The following DOK6 variants were observed in gnomAD, a reference collection of about 807,000 sequenced individuals.
DOK6 encodes docking protein 6.
Under a neutral mutation model 44.0 loss-of-function variants are expected in DOK6, and 22 were observed. That is an observed-to-expected ratio of 0.50 (90% CI 0.36 to 0.71). The LOEUF is 0.71. Among genes scored for constraint, DOK6 ranks in the 30% least tolerant of loss-of-function variants. The probability of loss-of-function intolerance (pLI) is 0.00; values close to 1 mark genes in which losing one functional copy is unlikely to be tolerated. For missense variants in DOK6, 340 were observed against 416.4 expected, an observed-to-expected ratio of 0.82 and a Z score of 1.60; for synonymous variants, 166 against 145.5, an observed-to-expected ratio of 1.14 and a Z score of -1.01.
chr18:69,406,306 A>T (rs192126330), intron 1 of DOK6, among the ~76,000 whole-genome samples: 4 of 152,082 alleles, frequency 2.6e-5, no homozygotes, highest in African/African-American at 7.2e-5. Flanking sequence ...TCTATTGGCA[A>T]TTTTTTTCCT....
At chr18:69,755,391 G>A (rs912649337) in intron 6 of DOK6, among the ~76,000 whole-genome samples, 4 of 152,160 alleles carry the variant, frequency 2.6e-5, no homozygotes, top group Admixed American at 6.5e-5. Flanking sequence ...ATGATCTACT[G>A]TATGCTGAGT....
rs148559799 is a variant in DOK6 at position 69,715,768 on chromosome 18, G to A, written c.599+17175G>A. On this transcript the variant is annotated intron_variant, in intron 5 of 7. Transcript: ENST00000382713. ...CAGGATCTGAATTGGTCTTGTTGGCGTTGAAAGTCCCCCTTGACTTTCTAT... is the reference window on the plus strand; with the variant it reads ...CAGGATCTGAATTGGTCTTGTTGGCATTGAAAGTCCCCCTTGACTTTCTAT... Among the ~76,000 whole-genome samples, 478 of 152,292 alleles carry A rather than the reference G, an allele frequency of 3.1e-3. 5 individuals are homozygous for A. The highest frequency in any genetic ancestry group is 9.7e-3 in the African/African-American group (402 of 41,548).
intron 3 of DOK6, among the ~76,000 whole-genome samples, chr18:69,668,047 A>G (rs1394426210): frequency 6.6e-6 from 1 of 152,180 alleles, no homozygotes; most frequent in Admixed American, 6.5e-5. Context: ...ATCTCACTAC[A>G]TGATAAATCC....
intron 5 of DOK6, among the ~76,000 whole-genome samples, chr18:69,730,106 T>C (rs1305896239): frequency 1.3e-5 from 2 of 152,138 alleles, no homozygotes; most frequent in Non-Finnish European, 2.9e-5. Context: ...CTAAAACAAC[T>C]GGAGTCAAAA....
At chr18:69,829,090 G>A (rs1287787208) in intron 7 of DOK6, among the ~76,000 whole-genome samples, 1 of 150,432 alleles carries the variant, frequency 6.6e-6, no homozygotes, top group African/African-American at 2.4e-5. Flanking sequence ...AAAAGTACCA[G>A]ATCAGTACAC....
At chr18:69,717,626 A>G (rs2144720750) in intron 5 of DOK6, among the ~76,000 whole-genome samples, 1 of 152,330 alleles carries the variant, frequency 6.6e-6, no homozygotes, top group East Asian at 1.9e-4. Context: ...AAACTGGCTA[A>G]GAGCCTTCAT....
chr18:69,700,216 C>CATATATATATTTATATAT (rs1986484571), intron 5 of DOK6, among the ~76,000 whole-genome samples: 1 of 124,762 alleles, frequency 8.0e-6, no homozygotes, highest in Non-Finnish European at 1.7e-5. Flanking sequence ...CATATATATA[C>CATATATATATTTATATAT]ATATATATAT....
intron 1 of DOK6, among the ~76,000 whole-genome samples, chr18:69,502,400 T>A (rs968793114): frequency 6.6e-6 from 1 of 151,852 alleles, no homozygotes; most frequent in African/African-American, 2.4e-5. Flanking sequence ...TGCTAATATA[T>A]TAAAAGTCGA....
At chr18:69,821,226 C>T (rs182736844) in intron 7 of DOK6, among the ~76,000 whole-genome samples, 99 of 152,200 alleles carry the variant, frequency 6.5e-4, no homozygotes, top group African/African-American at 2.2e-3. Context: ...ATGTCTGAGT[C>T]TCGACTTGCT....
chr18:69,630,932 C>G (rs1363321454), intron 3 of DOK6, among the ~76,000 whole-genome samples: 1 of 152,044 alleles, frequency 6.6e-6, no homozygotes, highest in African/African-American at 2.4e-5. Context: ...AGTAACTTGC[C>G]AAGTTTAGAA....
chr18:69,509,332 A>G (rs1413771884), intron 1 of DOK6, among the ~76,000 whole-genome samples: 2 of 152,198 alleles, frequency 1.3e-5, no homozygotes, highest in African/African-American at 4.8e-5. Context: ...GATAATCACA[A>G]AATTAATTTT....
rs975709245 is a variant in DOK6 at position 69,815,293 on chromosome 18, G to C, written c.857-25951G>C. On this transcript the variant is annotated intron_variant, in intron 7 of 7. Transcript: ENST00000382713. ...CTGACATAGAAGGAAGGGAGGGCAA[G>C]GAGGGAAGATTCACTTTGCCTTTGT... 2.0e-5 allele frequency among the ~76,000 whole-genome samples: 3 copies of C among 152,270 alleles called. No individual in the cohort carries two copies. In the South Asian group the frequency reaches 6.2e-4, roughly 32 times the overall value.
chr18:69,760,166 TCAAAA>T (rs1160779312), intron 7 of DOK6, among the ~76,000 whole-genome samples: 1 of 152,224 alleles, frequency 6.6e-6, no homozygotes, highest in African/African-American at 2.4e-5. Flanking sequence ...GTTGTGATAG[TCAAAA>T]CAAGTAGAGA....
chr18:69,768,084 A>G (rs982497275), intron 7 of DOK6, among the ~76,000 whole-genome samples: 1 of 152,204 alleles, frequency 6.6e-6, no homozygotes, highest in Non-Finnish European at 1.5e-5. Flanking sequence ...TTTAAATAAA[A>G]GAAGTAACAT....
intron 3 of DOK6, among the ~76,000 whole-genome samples, chr18:69,673,346 C>G (rs1489471419): frequency 1.3e-5 from 2 of 152,108 alleles, no homozygotes; most frequent in Non-Finnish European, 2.9e-5. Flanking sequence ...AGCAATAAAG[C>G]TTGAATCTAA....
At chr18:69,694,007 C>T (rs1226112986) in intron 4 of DOK6, among the ~76,000 whole-genome samples, 1 of 137,022 alleles carries the variant, frequency 7.3e-6, no homozygotes, top group Non-Finnish European at 1.5e-5. Context: ...TGCAGCGAGC[C>T]GAGATCCCGC....
At chr18:69,752,938 C>T (rs1215388494) in intron 6 of DOK6, among the ~76,000 whole-genome samples, 1 of 152,188 alleles carries the variant, frequency 6.6e-6, no homozygotes, top group Non-Finnish European at 1.5e-5. Flanking sequence ...CCTGCCCAGC[C>T]TTTGCCTTGG....
intron 3 of DOK6, among the ~76,000 whole-genome samples, chr18:69,603,823 T>C (rs1983934524): frequency 6.6e-6 from 1 of 150,482 alleles, no homozygotes; most frequent in Non-Finnish European, 1.5e-5. Context: ...CTTTACTCAG[T>C]TCTTGTTGAG....
chr18:69,658,941 A>G (rs1032177492), intron 3 of DOK6, among the ~76,000 whole-genome samples: 1 of 152,248 alleles, frequency 6.6e-6, no homozygotes, highest in Non-Finnish European at 1.5e-5. Flanking sequence ...CTAGCTCTTA[A>G]GAATTACAAC....
Sources: allele counts gnomAD v4.1 joint callset (sites outside exome capture counted in the v4.1 genomes callset), GRCh38; gene constraint gnomAD v4.1.1; transcripts MANE v1.5; gene names NCBI Gene and HGNC (gene_info 2026-07-23, HGNC 2026-07-21).